The following KIAA1671 variants were observed in gnomAD, a reference collection of about 807,000 sequenced individuals.
KIAA1671 encodes the protein KIAA1671, also known as uncharacterized protein KIAA1671.
Under a neutral mutation model 131.2 loss-of-function variants are expected in KIAA1671, and 52 were observed. The observed-to-expected ratio is 0.40, with a 90% CI of 0.32 to 0.50. The LOEUF (loss-of-function observed/expected upper bound fraction) is 0.50. KIAA1671 is among the 20% of genes least tolerant of loss of function. The pLI is 0.73. For synonymous variants in KIAA1671, 1,003 were observed against 961.6 expected (o/e 1.04, Z -0.80); for missense variants, 2,360 against 2,364.2 (o/e 1.00, Z 0.04).
chr22:25,149,758 G>A (rs1932973780), intron 6 of KIAA1671, among the ~76,000 whole-genome samples: 1 of 151,996 alleles, frequency 6.6e-6, no homozygotes, highest in South Asian at 2.1e-4. Context: ...CCTACGTACA[G>A]CAGGTAGAGT....
At chr22:25,142,269 C>G (rs1932817920) in intron 6 of KIAA1671, among the ~76,000 whole-genome samples, 1 of 152,158 alleles carries the variant, frequency 6.6e-6, no homozygotes, top group Admixed American at 6.5e-5. Context: ...AATGTTCTGC[C>G]CACTGAGATG....
chr22:24,983,774 A>AT (rs1164602658), intron 1 of KIAA1671, among the ~76,000 whole-genome samples: 1,261 of 116,710 alleles, frequency 0.011, 20 homozygotes, highest in East Asian at 0.039. Flanking sequence ...GGTGTTTGGA[A>AT]TTTTTTTTTT....
intron 10 of KIAA1671, among the ~76,000 whole-genome samples, chr22:25,183,083 A>G (rs968965198): frequency 6.6e-6 from 1 of 152,188 alleles, no homozygotes; most frequent in Admixed American, 6.5e-5. Context: ...CCTGTTTCAG[A>G]CATCATGTGC....
In KIAA1671 at chr22:25,038,725, C is replaced by T. The variant is rs912992639; in HGVS notation, c.1630-35C>T. 9.3e-6 allele frequency: 14 copies of T among 1,508,242 alleles called. No individual in the cohort carries two copies. In the African/African-American group the frequency reaches 1.5e-4, roughly 17 times the overall value. The allele number at this position is 1,508,242 out of a possible 1,614,324, so 93.4% of individuals were successfully genotyped here. On this transcript the variant is annotated intron_variant, in intron 4 of 12. Coordinates refer to ENST00000358431, the MANE Select transcript of KIAA1671 (RefSeq NM_001145206.2). ...CCTTTCCATCTCAAATCCTTAAACA[C>T]TGAGGTGTTTCTTTTTCTTTTTGTT... is the stretch of plus-strand genomic sequence containing the variant.
chr22:25,080,004 G>A lies in KIAA1671; in HGVS notation c.4530+30640G>A, dbSNP rs549089461. On this transcript the variant is annotated intron_variant, in intron 6 of 12. Coordinates refer to ENST00000358431, the MANE Select transcript of KIAA1671 (RefSeq NM_001145206.2). ...ATTCTGGATCTAGTTGGAAGGTTGA[G>A]CCCCAGGATGTGCTCATGGATTGGA... Among the ~76,000 whole-genome samples, 147 of 152,246 alleles carry A rather than the reference G, an allele frequency of 9.7e-4. 1 individual carries two copies. The highest frequency in any genetic ancestry group is 1.7e-3 in the South Asian group (8 of 4,828).
intron 4 of KIAA1671, among the ~76,000 whole-genome samples, chr22:25,035,650 A>G (rs1290862208): frequency 1.3e-5 from 2 of 152,156 alleles, no homozygotes; most frequent in Admixed American, 6.6e-5. Flanking sequence ...AAAGCTCCTT[A>G]TATTTGTATT....
intron 1 of KIAA1671, among the ~76,000 whole-genome samples, chr22:24,970,589 C>T (rs1328388061): frequency 6.6e-6 from 1 of 152,108 alleles, no homozygotes; most frequent in Non-Finnish European, 1.5e-5. Flanking sequence ...GGCACATCGT[C>T]AGTGCCTCTT....
At chr22:25,108,614 C>CGAA in intron 6 of KIAA1671, among the ~76,000 whole-genome samples, 1 of 152,286 alleles carries the variant, frequency 6.6e-6, no homozygotes, top group East Asian at 1.9e-4. Flanking sequence ...TGTATGTTTC[C>CGAA]TGTGTATGTT....
intron 1 of KIAA1671, among the ~76,000 whole-genome samples, chr22:24,963,088 T>C (rs1922096680): frequency 6.6e-6 from 1 of 152,062 alleles, no homozygotes; most frequent in African/African-American, 2.4e-5. Flanking sequence ...TCTCCTTCAG[T>C]TGGGCATCTC....
At chr22:24,961,071 C>T (rs565872231) in intron 1 of KIAA1671, among the ~76,000 whole-genome samples, 2 of 152,222 alleles carry the variant, frequency 1.3e-5, no homozygotes, top group South Asian at 2.1e-4. Flanking sequence ...TGCAGTGGTG[C>T]GATCTCAGTT....
At chr22:25,090,580 C>G (rs1233986245) in intron 6 of KIAA1671, among the ~76,000 whole-genome samples, 1 of 152,250 alleles carries the variant, frequency 6.6e-6, no homozygotes, top group African/African-American at 2.4e-5. Flanking sequence ...GAGGCCTTGT[C>G]GAGAGAAACA....
At chr22:25,174,551 G>C (rs1933959989) in intron 8 of KIAA1671, 62 bp downstream of exon 8, 1 of 1,462,618 alleles carries the variant, frequency 6.8e-7, no homozygotes, top group Non-Finnish European at 9.1e-7. Flanking sequence ...TCTGTGAATT[G>C]CCACTTCAGG....
intron 6 of KIAA1671, among the ~76,000 whole-genome samples, chr22:25,074,721 C>CT (rs1929015775): frequency 6.6e-6 from 1 of 152,076 alleles, no homozygotes; most frequent in Non-Finnish European, 1.5e-5. Context: ...ATCTATCTGT[C>CT]TGTCTGTCTG....
intron 1 of KIAA1671, among the ~76,000 whole-genome samples, chr22:24,967,915 C>T (rs1163659051): frequency 6.6e-6 from 1 of 152,120 alleles, no homozygotes; most frequent in Non-Finnish European, 1.5e-5. Flanking sequence ...ATGGCGTGAA[C>T]CCAGGAGGCG....
intron 1 of KIAA1671, among the ~76,000 whole-genome samples, chr22:25,019,610 T>C (rs1181271194): frequency 5.9e-5 from 9 of 151,516 alleles, no homozygotes; most frequent in East Asian, 1.9e-4. Flanking sequence ...TTTTTTTTTT[T>C]CCATTGTCCC....
chr22:25,174,548 A>C, intron 8 of KIAA1671, 59 bp downstream of exon 8: 2 of 1,467,338 alleles, frequency 1.4e-6, no homozygotes, highest in Non-Finnish European at 1.8e-6. Flanking sequence ...CTCTCTGTGA[A>C]TTGCCACTTC....
chr22:25,052,390 G>A (rs742168), intron 6 of KIAA1671: 13,690 of 152,270 alleles, frequency 0.09, 2,039 homozygotes, highest in African/African-American at 0.31. Context: ...CCTTGAGCAA[G>A]TGAGTTTACC....
At position 25,093,776 on chromosome 22, in the gene KIAA1671, C is replaced by CTCTCTCTCTG. The variant is rs1568951209; in HGVS notation, c.4530+44421_4530+44422insGTCTCTCTCT. ...TCTCTCTCTCTCTCTCTGTCTCTCT[C>CTCTCTCTCTG]TCTCTCTCTCTCTCTCTCTCTCTCT... On this transcript the variant is annotated intron_variant, in intron 6 of 12. Transcript: ENST00000358431. Among the ~76,000 whole-genome samples, 45 of 109,566 alleles carry CTCTCTCTCTG rather than the reference C, an allele frequency of 4.1e-4. No homozygotes were observed. The East Asian group carries it at 6.5e-3, about 16-fold the overall frequency. The allele number at this position is 109,566 out of a possible 152,430, so 71.9% of individuals were successfully genotyped here.
intron 6 of KIAA1671, among the ~76,000 whole-genome samples, chr22:25,120,107 G>A (rs1464200194): frequency 6.6e-6 from 1 of 152,134 alleles, no homozygotes; most frequent in Non-Finnish European, 1.5e-5. Context: ...GGAGATCTGG[G>A]CTTCAAAGAA....
Sources: gnomAD v4.1 joint callset for allele counts (sites outside exome capture counted in the v4.1 genomes callset) on GRCh38, gnomAD v4.1.1 for gene constraint, MANE v1.5 for transcripts, NCBI Gene and HGNC (gene_info 2026-07-23, HGNC 2026-07-21) for gene names.